Variants in STX8 observed in about 807,000 individuals in gnomAD.
STX8 encodes syntaxin 8, also known as syntaxin-8.
Under a neutral mutation model 37.5 loss-of-function variants are expected in STX8, and 23 were observed. That is an observed-to-expected ratio of 0.61 (90% CI 0.44 to 0.87). The LOEUF (loss-of-function observed/expected upper bound fraction) is 0.87, where lower values mean the gene tolerates loss of function less well. Among genes scored for constraint, STX8 ranks in the 40% least tolerant of loss-of-function variants. The pLI is 0.00. For synonymous variants in STX8, 115 were observed against 99.1 expected (o/e 1.16, Z -0.95); for missense variants, 313 against 284.7 (o/e 1.10, Z -0.71).
intron 7 of STX8, among the ~76,000 whole-genome samples, chr17:9,298,214 A>G (rs2142173392): frequency 6.6e-6 from 1 of 152,174 alleles, no homozygotes; most frequent in East Asian, 1.9e-4. Flanking sequence ...TTTCCTCTTG[A>G]GCAGAAGAAG....
At chr17:9,534,645 G>A (rs566594148) in intron 4 of STX8, among the ~76,000 whole-genome samples, 3 of 152,172 alleles carry the variant, frequency 2.0e-5, no homozygotes, top group African/African-American at 7.2e-5. Flanking sequence ...AAAATTAGCT[G>A]GGCATGGTGG....
intron 4 of STX8, among the ~76,000 whole-genome samples, chr17:9,515,491 T>C (rs1380156647): frequency 6.7e-6 from 1 of 150,232 alleles, no homozygotes; most frequent in Non-Finnish European, 1.5e-5. Flanking sequence ...CTTTGAAGTC[T>C]TTCTCTCTCT....
At chr17:9,275,595 C>T (rs915159171) in intron 7 of STX8, among the ~76,000 whole-genome samples, 3 of 152,110 alleles carry the variant, frequency 2.0e-5, no homozygotes, top group Non-Finnish European at 4.4e-5. Context: ...ACAGGTTGGG[C>T]GCAGTGGCTC....
chr17:9,300,515 G>A (rs572771520), intron 7 of STX8, among the ~76,000 whole-genome samples: 32 of 151,972 alleles, frequency 2.1e-4, no homozygotes, highest in African/African-American at 7.5e-4. Flanking sequence ...AGTTTTCTTC[G>A]TAGATCTACT....
chr17:9,479,544 A>G (rs902522260), intron 6 of STX8, among the ~76,000 whole-genome samples: 3 of 148,990 alleles, frequency 2.0e-5, no homozygotes, highest in Non-Finnish European at 3.0e-5. Context: ...TGCATAATAT[A>G]CATGTATTAT....
intron 7 of STX8, among the ~76,000 whole-genome samples, chr17:9,336,366 T>TATTTC (rs1910139541): frequency 6.6e-6 from 1 of 151,866 alleles, no homozygotes; most frequent in Non-Finnish European, 1.5e-5. Context: ...TTCTTTCCTT[T>TATTTC]CTTTCCTTTC....
At chr17:9,296,281 G>A (rs1908536494) in intron 7 of STX8, among the ~76,000 whole-genome samples, 1 of 152,002 alleles carries the variant, frequency 6.6e-6, no homozygotes, top group Admixed American at 6.5e-5. Context: ...GGGAGGCAGA[G>A]CTTGCAGTGA....
At chr17:9,485,421 G>A (rs1445759544) in intron 6 of STX8, among the ~76,000 whole-genome samples, 1 of 152,100 alleles carries the variant, frequency 6.6e-6, no homozygotes, top group Non-Finnish European at 1.5e-5. Flanking sequence ...TACCTATTCT[G>A]CTTCATAAAT....
intron 7 of STX8, among the ~76,000 whole-genome samples, chr17:9,298,184 G>A (rs957842943): frequency 3.9e-4 from 60 of 152,280 alleles, no homozygotes; most frequent in African/African-American, 1.4e-3. Flanking sequence ...GTGGGAGCAT[G>A]GATGAACTGA....
chr17:9,551,169 A>C (rs1054061896), intron 3 of STX8, among the ~76,000 whole-genome samples: 14 of 152,310 alleles, frequency 9.2e-5, no homozygotes, highest in Middle Eastern at 6.8e-3. Context: ...CATGCCAAAA[A>C]AGAAGAACTG....
At chr17:9,414,919 T>C (rs1913129826) in intron 6 of STX8, among the ~76,000 whole-genome samples, 2 of 150,664 alleles carry the variant, frequency 1.3e-5, no homozygotes, top group African/African-American at 4.9e-5. Context: ...GCCTCCCGAG[T>C]AGCTGGGATT....
chr17:9,480,756 T>C (rs747771845), intron 6 of STX8, among the ~76,000 whole-genome samples: 3 of 152,156 alleles, frequency 2.0e-5, no homozygotes, highest in African/African-American at 4.8e-5. Flanking sequence ...GAAATCTCAA[T>C]AAAGAAAACC....
intron 6 of STX8, among the ~76,000 whole-genome samples, chr17:9,427,462 A>G (rs1913679566): frequency 6.6e-6 from 1 of 152,148 alleles, no homozygotes; most frequent in African/African-American, 2.4e-5. Flanking sequence ...TTCCTGAAAA[A>G]TCTCACATCC....
chr17:9,487,188 T>TC (rs1346257100), intron 6 of STX8, among the ~76,000 whole-genome samples: 1 of 152,216 alleles, frequency 6.6e-6, no homozygotes, highest in Non-Finnish European at 1.5e-5. Flanking sequence ...ATTCGACCTT[T>TC]CAGCTTTGTG....
intron 7 of STX8, among the ~76,000 whole-genome samples, chr17:9,353,174 C>T (rs1182848419): frequency 6.6e-6 from 1 of 152,224 alleles, no homozygotes; most frequent in African/African-American, 2.4e-5. Flanking sequence ...GCTGGGATTA[C>T]AGGCATGACT....
At chr17:9,373,766 T>A (rs7222098) in intron 7 of STX8, among the ~76,000 whole-genome samples, 72 of 151,940 alleles carry the variant, frequency 4.7e-4, no homozygotes, top group African/African-American at 1.6e-3. Flanking sequence ...ATGGAGAAAC[T>A]CTGTCTCTAC....
chr17:9,419,463 G>A (rs1387122851), intron 6 of STX8, among the ~76,000 whole-genome samples: 2 of 152,176 alleles, frequency 1.3e-5, no homozygotes, highest in Admixed American at 6.5e-5. Flanking sequence ...GTGTTTTGGG[G>A]AGTGGACTAC....
At chr17:9,560,292 G>A (rs1437003118) in intron 2 of STX8, among the ~76,000 whole-genome samples, 2 of 150,520 alleles carry the variant, frequency 1.3e-5, no homozygotes, top group East Asian at 2.0e-4. Context: ...CAGTTACTGG[G>A]GAGGCTGAGG....
chr17:9,277,870 T>C (rs996235143), intron 7 of STX8, among the ~76,000 whole-genome samples: 1 of 151,902 alleles, frequency 6.6e-6, no homozygotes, highest in African/African-American at 2.4e-5. Flanking sequence ...CAAGGTAAAT[T>C]TGGTGAGAGT....
Sources: gnomAD v4.1 joint callset for allele counts (sites outside exome capture counted in the v4.1 genomes callset) on GRCh38, gnomAD v4.1.1 for gene constraint, MANE v1.5 for transcripts, NCBI Gene and HGNC (gene_info 2026-07-23, HGNC 2026-07-21) for gene names.